Variants in ADAMTS7 observed in about 807,000 individuals in gnomAD.
ADAMTS7 encodes the protein A disintegrin and metalloproteinase with thrombospondin motifs 7.
In ADAMTS7, 89 loss-of-function variants were observed where a neutral mutation model predicts 172.6. That is an observed-to-expected ratio of 0.52 (90% CI 0.43 to 0.61). The LOEUF (loss-of-function observed/expected upper bound fraction) is 0.61. Among genes scored for constraint, ADAMTS7 ranks in the 20% least tolerant of loss-of-function variants. The pLI is 0.00. For synonymous variants in ADAMTS7, 885 were observed against 978.4 expected (o/e 0.90, Z 1.78); for missense variants, 1,973 against 2,355.6 (o/e 0.84, Z 3.36).
chr15:78,771,852 A>G lies in ADAMTS7; in HGVS notation c.2132-23T>C. 1 of 1,603,316 alleles carries G rather than the reference A, an allele frequency of 6.2e-7. No homozygotes were observed. The highest frequency in any genetic ancestry group is 8.5e-7 in the Non-Finnish European group (1 of 1,177,546). ...ACCCTGTCAGCCAAGGGTTGTGCAT[A>G]GGTTGTGCCCAGGGTGAGAGGGTTG... is the stretch of plus-strand genomic sequence containing the variant. On this transcript the variant is annotated intron_variant, in intron 14 of 23. Coordinates refer to ENST00000388820, the MANE Select transcript of ADAMTS7 (RefSeq NM_014272.5). This position sits in a 1 kb window ranked among gnomAD's most constrained non-coding sequence, Gnocchi z 4.9.
chr15:78,779,682 G>A (rs958677787), intron 8 of ADAMTS7, among the ~76,000 whole-genome samples: 1 of 152,150 alleles, frequency 6.6e-6, no homozygotes, highest in Non-Finnish European at 1.5e-5. Context: ...CTTCCCGCTA[G>A]CATTCTGTGG....
intron 20 of ADAMTS7, 60 bp from the exon 21 acceptor site, chr15:78,764,159 C>T (rs534599051): frequency 1.5e-5 from 21 of 1,447,150 alleles, no homozygotes; most frequent in South Asian, 1.3e-4. Context: ...GGCGTGACCC[C>T]GTGAGGTGTG....
In ADAMTS7 at chr15:78,790,103, A is replaced by G. The variant is rs2055558562; in HGVS notation, c.1029-265T>C. ...TACTATCCAGCAGGGGTGCTGACAG[A>G]TGCCTCCAGAGTCCAGCAGAGGGAA... On this transcript the variant is annotated intron_variant, in intron 6 of 23. Transcript: ENST00000388820. Among the ~76,000 whole-genome samples, 3 of 152,198 alleles carry G rather than the reference A, an allele frequency of 2.0e-5. No individual in the cohort carries two copies. In the South Asian group the frequency reaches 6.2e-4, roughly 32 times the overall value.
In ADAMTS7 at chr15:78,762,179, G is replaced by A. The variant is rs2055055530; in HGVS notation, c.4903+224C>T. 1.2e-5 allele frequency: 10 copies of A among 802,534 alleles called. No individual in the cohort carries two copies. The South Asian group carries it at 5.1e-4, about 41-fold the overall frequency. 49.7% of individuals were successfully genotyped at this position (802,534 alleles called of 1,614,324 possible). On this transcript the variant is annotated intron_variant, in intron 23 of 23. Transcript: ENST00000388820. ...CCCAAGGTCAGACAGCTGCCTATGG[G>A]ATGTTGTGTGGCCGGGACTCCCCTT...
chr15:78,776,944 C>T (rs897105307), intron 9 of ADAMTS7, 103 bp from the exon 10 acceptor site: 18 of 905,998 alleles, frequency 2.0e-5, no homozygotes, highest in African/African-American at 4.9e-5. Flanking sequence ...CACCCCTCCA[C>T]ATGGCAGGGG....
At chr15:78,797,878 G>A (rs2055666574) in intron 3 of ADAMTS7, 70 bp downstream of exon 3, 2 of 1,522,676 alleles carry the variant, frequency 1.3e-6, no homozygotes, top group Middle Eastern at 2.3e-4. Flanking sequence ...GTTAAGGGGG[G>A]CTTCTAGAAA....
In ADAMTS7 at chr15:78,763,704, C is replaced by T; in HGVS notation, c.4735G>A (p.Gly1579Ser). Reference sequence around the variant, plus strand: ...CTCCCCGCAGCCCGGCTCACCTGGCCCCAGGGCCCCACCACCCACTGCGTG... The same window carrying T: ...CTCCCCGCAGCCCGGCTCACCTGGCTCCAGGGCCCCACCACCCACTGCGTG... ...PCTQWVVGPW[G>S]QCSGPCGGGV... is the part of the protein sequence containing the mutation. Residue 1579 changes from glycine to serine, a missense_variant, in exon 22 of 24, where the codon GGC (glycine) becomes AGC (serine). By Grantham distance (56) the Gly-to-Ser change is moderately conservative. Transcript: ENST00000388820. 2.0e-6 allele frequency: 3 copies of T among 1,537,584 alleles called. No individual in the cohort carries two copies. Among genetic ancestry groups the T allele is most frequent in the South Asian group, 1.2e-5 (1 of 81,794 alleles).
intron 16 of ADAMTS7, among the ~76,000 whole-genome samples, chr15:78,769,169 C>T (rs2055207617): frequency 2.0e-5 from 3 of 152,340 alleles, no homozygotes; most frequent in Middle Eastern, 6.8e-3. Flanking sequence ...CTTGGCACTG[C>T]TCCTGTCCTT....
chr15:78,761,473 GA>G (rs2055041992), intron 23 of ADAMTS7, among the ~76,000 whole-genome samples: 1 of 152,202 alleles, frequency 6.6e-6, no homozygotes, highest in African/African-American at 2.4e-5. Context: ...GGCTGTGGGG[GA>G]GGGGAAAAAG....
rs765056670 is a variant in ADAMTS7 at position 78,771,807 on chromosome 15, G to A, written c.2154C>T (p.Ile718=). 5.6e-6 allele frequency: 9 copies of A among 1,611,632 alleles called. No individual in the cohort carries two copies. Among genetic ancestry groups the A allele is most frequent in the Admixed American group, 1.7e-5 (1 of 60,000 alleles). The part of the protein sequence containing the change: ...EGLGYVDVGL[I]PAGAREIRIQ... ...TGCGGATCTCGCGTGCGCCCGCTGG[G>A]ATCAGCCCCACATCCACATACCCTG... The change falls in exon 15 of 24, where the codon ATC becomes ATT. Residue 718 remains isoleucine (I), a synonymous_variant. Coordinates refer to ENST00000388820, the MANE Select transcript of ADAMTS7 (RefSeq NM_014272.5). The surrounding 1 kb of genome is among the most constrained non-coding windows in gnomAD (Gnocchi z 4.9).
rs146420162 is a variant in ADAMTS7, at chr15:78,766,052, C to A, written c.3859G>T (p.Val1287Phe). The part of the protein sequence containing the change: ...GPVDSELWPT[V>F]GVASLLPPPI... ...GGAGGAAGGAGAGAAGCCACCCCAA[C>A]AGTGGGCCACAGTTCACTGTCCACA... is the stretch of plus-strand genomic sequence containing the variant. The change falls in exon 19 of 24, where the codon GTT becomes TTT. Residue 1287 changes from valine (V) to phenylalanine (F), a missense_variant. Coordinates refer to ENST00000388820, the MANE Select transcript of ADAMTS7 (RefSeq NM_014272.5). 1.9e-6 allele frequency: 3 copies of A among 1,606,814 alleles called. No homozygotes were observed. Among genetic ancestry groups the A allele is most frequent in the Non-Finnish European group, 2.5e-6 (3 of 1,179,978 alleles).
chr15:78,795,659 G>A (rs1190301822), intron 4 of ADAMTS7, among the ~76,000 whole-genome samples: 4 of 152,136 alleles, frequency 2.6e-5, no homozygotes, highest in East Asian at 1.9e-4. Context: ...CACAGCACAC[G>A]CACTTACCTT....
chr15:78,768,256 A>G lies in ADAMTS7; in HGVS notation c.2522T>C (p.Val841Ala). 1 of 1,610,684 alleles carries G rather than the reference A, an allele frequency of 6.2e-7. No homozygotes were observed. Among genetic ancestry groups the G allele is most frequent in the Non-Finnish European group, 8.5e-7 (1 of 1,179,592 alleles). The change falls in exon 17 of 24, where the codon GTG (valine) becomes GCG (alanine). Residue 841 changes from valine (V) to alanine (A), a missense_variant. Around this residue, in one of 8 missense-constraint regions of ADAMTS7, gnomAD observed 771 missense variants for 952.6 expected, o/e 0.81. Coordinates refer to ENST00000388820, the MANE Select transcript of ADAMTS7 (RefSeq NM_014272.5). ...CAAGCAGTACACATTCTGCCTCTGC[A>G]CACCTAGGGGCCACGGGGCTCAGCC... ...TKCTVTCGRG[V>A]QRQNVYCLER...
rs139429861 is a variant in ADAMTS7, at chr15:78,773,150, A to G, written c.2064T>C (p.Gly688=). The part of the protein sequence containing the change: ...IDSGAMEDRC[G]VCHGNGSTCH... ...AGGTGGAGCCGTTGCCGTGGCACACACCACAGCGGTCCTCCATAGCACCGG... is the reference window on the plus strand; with the variant it reads ...AGGTGGAGCCGTTGCCGTGGCACACGCCACAGCGGTCCTCCATAGCACCGG... Residue 688 remains glycine, a synonymous_variant, in exon 14 of 24, where the codon GGT becomes GGC. Transcript: ENST00000388820. 3,359 of 1,501,522 alleles carry G rather than the reference A, an allele frequency of 2.2e-3. 25 individuals carry two copies. The highest frequency in any genetic ancestry group is 0.02 in the African/African-American group (1,411 of 70,886). The allele number at this position is 1,501,522 out of a possible 1,614,324, so 93.0% of individuals were successfully genotyped here.
At chr15:78,806,356 T>C (rs2055798238) in intron 1 of ADAMTS7, among the ~76,000 whole-genome samples, 1 of 152,026 alleles carries the variant, frequency 6.6e-6, no homozygotes, top group Non-Finnish European at 1.5e-5. Context: ...AGGGGCACTG[T>C]GTGGTAAACC....
At chr15:78,770,095 G>A (rs1199011980) in intron 16 of ADAMTS7, among the ~76,000 whole-genome samples, 4 of 152,058 alleles carry the variant, frequency 2.6e-5, no homozygotes, top group African/African-American at 4.8e-5. Context: ...CCTGGGAGGC[G>A]GAGGCTGCAG....
chr15:78,793,081 C>T (rs1241862698), intron 4 of ADAMTS7, among the ~76,000 whole-genome samples: 1 of 152,180 alleles, frequency 6.6e-6, no homozygotes, highest in Admixed American at 6.5e-5. Flanking sequence ...GAGCTTAACA[C>T]GTACAGTCCC....
At chr15:78,794,778 C>T (rs1567235173) in intron 4 of ADAMTS7, among the ~76,000 whole-genome samples, 1 of 152,148 alleles carries the variant, frequency 6.6e-6, no homozygotes, top group Non-Finnish European at 1.5e-5. Context: ...AGTGCAGTGG[C>T]ACGATCTCAG....
intron 19 of ADAMTS7, 37 bp downstream of exon 19, chr15:78,765,608 G>C (rs4887098): frequency 0.38 from 572,397 of 1,512,272 alleles, 116,289 homozygotes; most frequent in Non-Finnish European, 0.41. Flanking sequence ...CCAAGGTCCT[G>C]CGCAAACTCC....
Sources: allele counts gnomAD v4.1 joint callset (sites outside exome capture counted in the v4.1 genomes callset), GRCh38; gene constraint gnomAD v4.1.1; regional missense constraint gnomAD v4.1.1; non-coding constraint Gnocchi (gnomAD v3.1); transcripts MANE v1.5; gene names NCBI Gene and HGNC (gene_info 2026-07-23, HGNC 2026-07-21).